Variants in SPATA24 observed in about 807,000 individuals in gnomAD.
SPATA24 encodes spermatogenesis associated 24, also known as spermatogenesis-associated protein 24.
In SPATA24, 21 loss-of-function variants were observed where a neutral mutation model predicts 28.9. The ratio of observed to expected loss-of-function variants is 0.73; its 90% CI spans 0.52 to 1.05. The LOEUF (loss-of-function observed/expected upper bound fraction) is 1.05, where lower values mean the gene tolerates loss of function less well. SPATA24 is among the 50% of genes least tolerant of loss of function. SPATA24 has a pLI of 0.00. For synonymous variants in SPATA24, 76 were observed against 89.9 expected, an observed-to-expected ratio of 0.85 and a Z score of 0.88; for missense variants, 215 against 242.9, an observed-to-expected ratio of 0.88 and a Z score of 0.76.
downstream of SPATA24, chr5:139,396,067 A>C: frequency 1.7e-6 from 1 of 602,052 alleles, no homozygotes; most frequent in Non-Finnish European, 2.1e-6. Flanking sequence ...AGGTCCTGCT[A>C]TGACTCAGGC....
intron 1 of SPATA24, among the ~76,000 whole-genome samples, chr5:139,403,559 A>T (rs1758867669): frequency 1.3e-5 from 2 of 152,318 alleles, no homozygotes; most frequent in African/African-American, 2.4e-5. Context: ...ACTGCATTCA[A>T]CACGGCACTG....
downstream of SPATA24, chr5:139,395,174 G>T: frequency 7.9e-7 from 1 of 1,265,984 alleles, no homozygotes; most frequent in Non-Finnish European, 1.0e-6. Flanking sequence ...TGCCGTGGGG[G>T]TCACCGCGCC....
chr5:139,393,201 C>G, downstream of SPATA24: 1 of 1,549,618 alleles, frequency 6.5e-7, no homozygotes, highest in South Asian at 1.2e-5. Flanking sequence ...CCAACTTGCG[C>G]ACGTCTCGAG....
downstream of SPATA24, chr5:139,393,334 T>C (rs1488916190): frequency 1.3e-6 from 2 of 1,551,182 alleles, no homozygotes; most frequent in Admixed American, 2.0e-5. Context: ...TGCTGCTACC[T>C]CTGGGGACTG....
chr5:139,393,964 G>A, downstream of SPATA24: 1 of 1,550,658 alleles, frequency 6.4e-7, no homozygotes, highest in Non-Finnish European at 8.7e-7. Context: ...CTCAAAAGGC[G>A]GACTCCGTGC....
chr5:139,394,181 G>C, downstream of SPATA24: 1 of 1,546,688 alleles, frequency 6.5e-7, no homozygotes, highest in Non-Finnish European at 8.7e-7. Context: ...TCTCGTACGC[G>C]AAGTGGCCGA....
intron 4 of SPATA24, among the ~76,000 whole-genome samples, chr5:139,397,560 T>C (rs1758738897): frequency 6.6e-6 from 1 of 152,070 alleles, no homozygotes; most frequent in Non-Finnish European, 1.5e-5. Context: ...TCTCTTTTTT[T>C]TTTTTTTGTA....
At chr5:139,402,490 G>C (rs1758847885) in intron 2 of SPATA24, 138 bp downstream of exon 2, 2 of 727,612 alleles carry the variant, frequency 2.7e-6, no homozygotes, top group Admixed American at 5.3e-5. Flanking sequence ...TGATTTGCCC[G>C]CCTTGGCCTC....
chr5:139,398,973 G>A (rs1373225510), intron 4 of SPATA24, among the ~76,000 whole-genome samples: 1 of 108,642 alleles, frequency 9.2e-6, no homozygotes, highest in Non-Finnish European at 1.7e-5. Context: ...GCAGTGAGCC[G>A]AGATCGTGCC....
chr5:139,396,837 C>G lies in SPATA24; in HGVS notation c.581G>C (p.Arg194Pro), dbSNP rs767683626. Residue 194 changes from arginine (R) to proline (P), a missense_variant, in exon 6 of 6, where the codon CGT becomes CCT. By Grantham distance (103) the Arg-to-Pro change is moderately radical (BLOSUM62 -2). Transcript: ENST00000450845. ...GGGATGCTGGTGGCTGCGGGCCTGA[C>G]GTGTCCCTGAGGCTTTCTTATGCTT... is the stretch of plus-strand genomic sequence containing the variant. ...DQKHKKASGT[R>P]QARSHQHPRE... 2 of 1,551,626 alleles carry G rather than the reference C, an allele frequency of 1.3e-6. No homozygotes were observed. Among genetic ancestry groups the G allele is most frequent in the African/African-American group, 1.4e-5 (1 of 73,046 alleles).
chr5:139,397,555 T>C (rs6887555), intron 4 of SPATA24, among the ~76,000 whole-genome samples: 48,756 of 125,872 alleles, frequency 0.39, 8,240 homozygotes, highest in East Asian at 0.65. Context: ...TGCTTTCTCT[T>C]TTTTTTTTTT....
downstream of SPATA24, chr5:139,394,822 C>A: frequency 6.5e-7 from 1 of 1,530,414 alleles, no homozygotes; most frequent in Non-Finnish European, 8.8e-7. Flanking sequence ...TCGCGGGAAA[C>A]CCGAGCCGGG....
chr5:139,403,384 C>G (rs1160304242), intron 1 of SPATA24, among the ~76,000 whole-genome samples: 1 of 152,202 alleles, frequency 6.6e-6, no homozygotes, highest in Non-Finnish European at 1.5e-5. Context: ...ACCAGAAAAA[C>G]CATGAACTCC....
chr5:139,401,444 T>C, intron 4 of SPATA24: 1 of 607,304 alleles, frequency 1.6e-6, no homozygotes, highest in Non-Finnish European at 2.9e-6. Context: ...TCCTCTTGTA[T>C]CAGTTAGGAG....
downstream of SPATA24, chr5:139,394,142 G>A (rs1758649067): frequency 3.2e-6 from 5 of 1,546,526 alleles, no homozygotes; most frequent in East Asian, 1.2e-4. Context: ...CTGGGCCACG[G>A]CCTCGGGGCC....
chr5:139,404,045 C>G lies in SPATA24; in HGVS notation c.16G>C (p.Gly6Arg), dbSNP rs772689742. The G allele has an allele frequency of 8.4e-6, 13 of 1,551,690 alleles. No homozygotes were observed. The South Asian group carries it at 1.3e-4, about 16-fold the overall frequency. Residue 6 changes from glycine (G) to arginine (R), a missense_variant, in exon 1 of 6, where the codon GGG (glycine) becomes CGG (arginine). Gly to Arg is a moderately radical substitution (Grantham distance 125). Coordinates refer to ENST00000450845, the MANE Select transcript of SPATA24 (RefSeq NM_194296.2). MATPL[G>R]WSKAGSGSVC... is the part of the protein sequence containing the mutation. ...GATCCTGACCCCGCCTTCGACCACC[C>G]GAGGGGCGTCGCCATCTTCCGCCCC...
downstream of SPATA24, chr5:139,392,911 G>C: frequency 1.3e-6 from 2 of 1,537,430 alleles, no homozygotes; most frequent in Non-Finnish European, 1.8e-6. The surrounding 1 kb of genome is among the most constrained non-coding windows in gnomAD (Gnocchi z 5.8). Context: ...GGGCTTCGCC[G>C]TGCTGTTCTC....
downstream of SPATA24, chr5:139,394,978 T>G (rs1758672669): frequency 6.6e-7 from 1 of 1,513,942 alleles, no homozygotes; most frequent in Non-Finnish European, 8.8e-7. Context: ...TGGAGCCGTG[T>G]AGTAGGAGCC....
At chr5:139,397,291 G>A in intron 4 of SPATA24, 148 bp from the exon 5 acceptor site, 3 of 628,912 alleles carry the variant, frequency 4.8e-6, no homozygotes, top group Non-Finnish European at 8.5e-6. Flanking sequence ...GTATGAATGA[G>A]TTTATTATGC....
Sources: gnomAD v4.1 joint callset for allele counts (sites outside exome capture counted in the v4.1 genomes callset) on GRCh38, gnomAD v4.1.1 for gene constraint, Gnocchi (gnomAD v3.1) non-coding constraint, MANE v1.5 for transcripts, NCBI Gene and HGNC (gene_info 2026-07-23, HGNC 2026-07-21) for gene names.